PALM2AKAP2: variants seen among roughly 807,000 people sequenced by gnomAD.
PALM2AKAP2 encodes PALM2-AKAP2 fusion protein.
PALM2AKAP2 carries 37 observed loss-of-function variants against 71.5 expected under a neutral mutation model. The observed-to-expected ratio is 0.52, with a 90% CI of 0.40 to 0.68. The LOEUF is 0.68. Ranked by LOEUF, PALM2AKAP2 falls within the 30% of genes least tolerant of loss-of-function variation. The probability of loss-of-function intolerance (pLI) is 0.00; values close to 1 mark genes in which losing one functional copy is unlikely to be tolerated. For missense variants in PALM2AKAP2, 1,224 were observed against 1,191.8 expected (o/e 1.03, Z -0.40); for synonymous variants, 468 against 478.8 (o/e 0.98, Z 0.29).
intron 1 of PALM2AKAP2, among the ~76,000 whole-genome samples, chr9:109,660,681 G>C (rs1465985363): frequency 2.6e-5 from 4 of 151,570 alleles, no homozygotes; most frequent in Non-Finnish European, 3.0e-5. Flanking sequence ...CTTTATAGTA[G>C]CATGATTTAT....
rs139470536 is a variant in PALM2AKAP2, at chr9:110,139,331, G to C, written c.2569+792G>C. On this transcript the variant is annotated intron_variant, in intron 2 of 3. Transcript: ENST00000374525. ...TTGTTTTTATTTTCCATGTGAATGT[G>C]ATAGCAATCAGGGATCCACAGATCT... Among the ~76,000 whole-genome samples the C allele has an allele frequency of 2.3e-3, 344 of 152,284 alleles. 1 individual carries two copies. The highest frequency in any genetic ancestry group is 0.02 in the Middle Eastern group (6 of 294).
chr9:110,117,277 G>A (rs1487185061), intron 1 of PALM2AKAP2, among the ~76,000 whole-genome samples: 2 of 151,960 alleles, frequency 1.3e-5, no homozygotes, highest in Admixed American at 6.6e-5. Context: ...ATGCCACCAT[G>A]CCCGGTTCAT....
At position 109,781,852 on chromosome 9, in the gene PALM2AKAP2, G is replaced by A. The variant is rs570129621; in HGVS notation, c.45+1319G>A. Among the ~76,000 whole-genome samples the A allele has an allele frequency of 7.2e-5, 11 of 152,196 alleles. No homozygotes were observed. The South Asian group carries it at 1.0e-3, about 14-fold the overall frequency. On this transcript the variant is annotated intron_variant, in intron 1 of 9. Transcript: ENST00000302798. ...CTGTGCATGTGTATTTTGATGGTTT[G>A]TGAAGTTATTTGTGGTTTCTAAAGT...
chr9:109,694,603 A>G (rs1313492787), intron 1 of PALM2AKAP2, among the ~76,000 whole-genome samples: 3 of 152,098 alleles, frequency 2.0e-5, no homozygotes, highest in Non-Finnish European at 2.9e-5. Context: ...GGAATACTCA[A>G]TATTATCAGC....
At chr9:109,792,630 G>A (rs1180076625) in intron 1 of PALM2AKAP2, among the ~76,000 whole-genome samples, 1 of 152,106 alleles carries the variant, frequency 6.6e-6, no homozygotes, top group African/African-American at 2.4e-5. Flanking sequence ...CTAAAAATCA[G>A]TTGAGGGTGG....
intron 1 of PALM2AKAP2, among the ~76,000 whole-genome samples, chr9:110,110,394 A>T (rs534854383): frequency 6.6e-6 from 1 of 152,196 alleles, no homozygotes; most frequent in Non-Finnish European, 1.5e-5. Context: ...AGAGCAAACC[A>T]CAGTGGCACT....
intron 1 of PALM2AKAP2, among the ~76,000 whole-genome samples, chr9:109,643,449 T>G (rs1827102628): frequency 6.6e-6 from 1 of 152,264 alleles, no homozygotes; most frequent in African/African-American, 2.4e-5. Context: ...ACTTAGCACT[T>G]GGGTGCTCAA....
intron 6 of PALM2AKAP2, among the ~76,000 whole-genome samples, chr9:109,932,311 TC>T (rs1269167797): frequency 6.6e-6 from 1 of 152,242 alleles, no homozygotes; most frequent in Non-Finnish European, 1.5e-5. Flanking sequence ...CTGTGTTTAT[TC>T]TCAAAGTTAA....
chr9:109,983,408 G>A (rs537893567), intron 6 of PALM2AKAP2, among the ~76,000 whole-genome samples: 5 of 149,962 alleles, frequency 3.3e-5, no homozygotes, highest in South Asian at 2.1e-4. Flanking sequence ...CTTCTTTTTC[G>A]TCTCCTTCTT....
chr9:109,980,738 G>A (rs1482816377), intron 6 of PALM2AKAP2, among the ~76,000 whole-genome samples: 3 of 152,220 alleles, frequency 2.0e-5, no homozygotes, highest in Non-Finnish European at 4.4e-5. Flanking sequence ...ATGGTGATGG[G>A]CTGGAGCTGC....
chr9:109,726,206 G>T (rs1413031794), intron 1 of PALM2AKAP2, among the ~76,000 whole-genome samples: 1 of 152,182 alleles, frequency 6.6e-6, no homozygotes, highest in Non-Finnish European at 1.5e-5. Flanking sequence ...CATATGACCT[G>T]GGCTCAGTCA....
chr9:109,831,049 G>A (rs1434051400), intron 1 of PALM2AKAP2, among the ~76,000 whole-genome samples: 1 of 151,932 alleles, frequency 6.6e-6, no homozygotes, highest in Non-Finnish European at 1.5e-5. Flanking sequence ...ACCCAATTCT[G>A]TTGAAGTAGG....
At chr9:109,710,009 A>C (rs756460394) in intron 1 of PALM2AKAP2, among the ~76,000 whole-genome samples, 1 of 152,200 alleles carries the variant, frequency 6.6e-6, no homozygotes, top group Non-Finnish European at 1.5e-5. Context: ...CCTTATAAGA[A>C]GAAAAGAAAC....
intron 1 of PALM2AKAP2, among the ~76,000 whole-genome samples, chr9:110,070,152 C>T (rs1050185037): frequency 6.6e-6 from 1 of 152,322 alleles, no homozygotes. Context: ...ACACTTTCAC[C>T]TACTCTCATA....
At chr9:109,976,848 GT>G (rs1401666978) in intron 6 of PALM2AKAP2, among the ~76,000 whole-genome samples, 2 of 152,202 alleles carry the variant, frequency 1.3e-5, no homozygotes, top group Non-Finnish European at 2.9e-5. Context: ...TATACAGATA[GT>G]AAGTGGCTGA....
At chr9:109,845,246 T>A (rs1383938249) in intron 1 of PALM2AKAP2, among the ~76,000 whole-genome samples, 5 of 152,200 alleles carry the variant, frequency 3.3e-5, no homozygotes, top group Admixed American at 2.0e-4. Context: ...GTGTCAAAAC[T>A]GAGAGAATAT....
chr9:109,943,440 T>G, intron 6 of PALM2AKAP2: 1 of 1,592,720 alleles, frequency 6.3e-7, no homozygotes, highest in African/African-American at 1.3e-5. Context: ...TTCTTTCTTC[T>G]CCTTTCTTCT....
At chr9:109,869,467 T>A (rs1829544769) in intron 2 of PALM2AKAP2, among the ~76,000 whole-genome samples, 1 of 151,356 alleles carries the variant, frequency 6.6e-6, no homozygotes, top group Non-Finnish European at 1.5e-5. Flanking sequence ...TAGCTGGGAC[T>A]ACAAATGCCC....
At chr9:109,851,242 C>T (rs1444529699) in intron 1 of PALM2AKAP2, among the ~76,000 whole-genome samples, 1 of 151,324 alleles carries the variant, frequency 6.6e-6, no homozygotes, top group African/African-American at 2.4e-5. Context: ...GTAGTGTTTA[C>T]AGCCTTGAGT....
Sources: allele counts gnomAD v4.1 joint callset (sites outside exome capture counted in the v4.1 genomes callset), GRCh38; gene constraint gnomAD v4.1.1; transcripts MANE v1.5; gene names NCBI Gene and HGNC (gene_info 2026-07-23, HGNC 2026-07-21).